Variants in AMPH observed in about 807,000 individuals in gnomAD.
The protein encoded by AMPH is amphiphysin (Stiff-Mann syndrome with breast cancer 128kD autoantigen).
AMPH carries 49 observed loss-of-function variants against 99.1 expected under a neutral mutation model. The ratio of observed to expected loss-of-function variants is 0.49; its 90% CI spans 0.39 to 0.63. The LOEUF is 0.63. Among genes scored for constraint, AMPH ranks in the 20% least tolerant of loss-of-function variants. The pLI, the probability that AMPH is intolerant of heterozygous loss-of-function variation, is 0.00. For missense variants in AMPH, 759 were observed against 863.4 expected (o/e 0.88, Z 1.52); for synonymous variants, 314 against 317.3 (o/e 0.99, Z 0.11).
At chr7:38,411,770 A>C (rs1228888641) in intron 17 of AMPH, among the ~76,000 whole-genome samples, 2 of 152,150 alleles carry the variant, frequency 1.3e-5, no homozygotes, top group Non-Finnish European at 2.9e-5. Context: ...TCTTTTTAAC[A>C]TCTGAATGGG....
intron 11 of AMPH, among the ~76,000 whole-genome samples, chr7:38,460,262 G>A (rs760676054): frequency 2.0e-5 from 3 of 152,036 alleles, no homozygotes; most frequent in African/African-American, 7.2e-5. Context: ...GGTGCAACTA[G>A]TACAGAAAAC....
intron 1 of AMPH, among the ~76,000 whole-genome samples, chr7:38,545,582 A>G (rs1368576069): frequency 1.3e-5 from 2 of 152,210 alleles, no homozygotes; most frequent in African/African-American, 4.8e-5. Flanking sequence ...TCCTGTTTTT[A>G]TTAAATGATG....
intron 11 of AMPH, among the ~76,000 whole-genome samples, chr7:38,452,060 T>C (rs4723755): frequency 0.16 from 24,549 of 152,122 alleles, 2,185 homozygotes; most frequent in East Asian, 0.28. Context: ...CTGTCTTCAA[T>C]CCCAGGACAC....
chr7:38,481,538 G>T (rs553224673), intron 5 of AMPH, among the ~76,000 whole-genome samples: 36 of 152,182 alleles, frequency 2.4e-4, no homozygotes, highest in African/African-American at 8.4e-4. Context: ...TACAATAACT[G>T]CTCACAGCTG....
At chr7:38,450,130 T>C (rs1786950601) in intron 11 of AMPH, among the ~76,000 whole-genome samples, 1 of 152,206 alleles carries the variant, frequency 6.6e-6, no homozygotes, top group Admixed American at 6.5e-5. Flanking sequence ...GGGAGCATGG[T>C]AGGCATTCCT....
intron 17 of AMPH, among the ~76,000 whole-genome samples, chr7:38,410,125 C>G (rs1584053393): frequency 6.6e-6 from 1 of 152,166 alleles, no homozygotes; most frequent in African/African-American, 2.4e-5. Context: ...CTATGGCTGG[C>G]TATGTCATCT....
At chr7:38,386,816 T>C (rs1262812407) in intron 20 of AMPH, among the ~76,000 whole-genome samples, 1 of 152,112 alleles carries the variant, frequency 6.6e-6, no homozygotes, top group Non-Finnish European at 1.5e-5. Context: ...AATTAGAAAG[T>C]ATTTGACCCT....
intron 2 of AMPH, among the ~76,000 whole-genome samples, chr7:38,525,312 A>AGAGAGG (rs1261439983): frequency 7.7e-5 from 10 of 130,120 alleles, no homozygotes; most frequent in Admixed American, 7.0e-4. Context: ...AGAGAGAGAG[A>AGAGAGG]GGGAGCCTTT....
At chr7:38,502,968 C>T (rs999133238) in intron 3 of AMPH, among the ~76,000 whole-genome samples, 3 of 152,184 alleles carry the variant, frequency 2.0e-5, no homozygotes, top group African/African-American at 7.2e-5. Context: ...CAAAATCTGC[C>T]TTATGATACA....
intron 1 of AMPH, among the ~76,000 whole-genome samples, chr7:38,598,269 CTTT>C (rs1169434717): frequency 2.6e-5 from 4 of 151,662 alleles, no homozygotes; most frequent in African/African-American, 7.3e-5. Flanking sequence ...TGTTGTTGTT[CTTT>C]TGTTGTTGTT....
intron 11 of AMPH, among the ~76,000 whole-genome samples, chr7:38,440,111 T>G (rs1460255087): frequency 6.6e-6 from 1 of 152,110 alleles, no homozygotes; most frequent in African/African-American, 2.4e-5. Context: ...GAGAGACACA[T>G]GAAGCACATG....
At chr7:38,508,105 T>C (rs1029774258) in intron 2 of AMPH, among the ~76,000 whole-genome samples, 25 of 152,354 alleles carry the variant, frequency 1.6e-4, no homozygotes, top group African/African-American at 5.8e-4. Context: ...GAGGCATTAA[T>C]TTAATTTAGT....
At chr7:38,484,482 G>C (rs1316056291) in intron 5 of AMPH, among the ~76,000 whole-genome samples, 1 of 152,058 alleles carries the variant, frequency 6.6e-6, no homozygotes, top group East Asian at 1.9e-4. Context: ...AAAAAACTGT[G>C]AAACAAGAAT....
chr7:38,490,660 T>A (rs1480246021), intron 5 of AMPH, among the ~76,000 whole-genome samples: 1 of 152,182 alleles, frequency 6.6e-6, no homozygotes, highest in Admixed American at 6.5e-5. Flanking sequence ...TTTGCTCTCA[T>A]ATTTACAATG....
chr7:38,388,418 G>A (rs373876104), intron 20 of AMPH, among the ~76,000 whole-genome samples: 6 of 151,344 alleles, frequency 4.0e-5, no homozygotes, highest in Admixed American at 2.0e-4. Flanking sequence ...ACCTACTTTC[G>A]GCTTTATCAA....
At chr7:38,548,251 G>C (rs1294122830) in intron 1 of AMPH, among the ~76,000 whole-genome samples, 4 of 151,752 alleles carry the variant, frequency 2.6e-5, no homozygotes, top group African/African-American at 9.7e-5. Flanking sequence ...GGATGGTCTC[G>C]ATCTCCTGAC....
At chr7:38,608,689 G>C (rs1051246423) in intron 1 of AMPH, among the ~76,000 whole-genome samples, 1 of 152,170 alleles carries the variant, frequency 6.6e-6, no homozygotes. Context: ...GAGAAAGAAG[G>C]CTGAGGGCTG....
chr7:38,486,306 C>G (rs1347348429), intron 5 of AMPH, among the ~76,000 whole-genome samples: 4 of 151,280 alleles, frequency 2.6e-5, no homozygotes, highest in Admixed American at 1.3e-4. Flanking sequence ...CTAATATGAA[C>G]AGTATATACT....
intron 14 of AMPH, chr7:38,428,129 A>T (rs1285506821): frequency 2.2e-6 from 1 of 456,760 alleles, no homozygotes; most frequent in Non-Finnish European, 4.4e-6. Flanking sequence ...AGCCTTCTGT[A>T]TCTCTGATAG....
Sources: allele counts gnomAD v4.1 joint callset (sites outside exome capture counted in the v4.1 genomes callset), GRCh38; gene constraint gnomAD v4.1.1; transcripts MANE v1.5; gene names NCBI Gene and HGNC (gene_info 2026-07-23, HGNC 2026-07-21).